ATE1: variants seen among roughly 807,000 people sequenced by gnomAD.
ATE1 encodes the protein arginyl-tRNA--protein transferase 1.
In ATE1, 36 loss-of-function variants were observed where a neutral mutation model predicts 70.5. The ratio of observed to expected loss-of-function variants is 0.51; its 90% CI spans 0.39 to 0.67. The LOEUF (loss-of-function observed/expected upper bound fraction) is 0.67. Ranked by LOEUF, ATE1 falls within the 30% of genes least tolerant of loss-of-function variation. The probability of loss-of-function intolerance (pLI) is 0.00; values close to 1 mark genes in which losing one functional copy is unlikely to be tolerated. For missense variants in ATE1, 593 were observed against 629.5 expected (o/e 0.94, Z 0.62); for synonymous variants, 232 against 219.3 (o/e 1.06, Z -0.51).
At chr10:121,817,386 A>T (rs1170784477) in intron 10 of ATE1, among the ~76,000 whole-genome samples, 2 of 152,174 alleles carry the variant, frequency 1.3e-5, no homozygotes, top group African/African-American at 4.8e-5. Flanking sequence ...GACACACAAA[A>T]AAATTAGCCG....
chr10:121,840,312 C>T (rs188306007), intron 9 of ATE1, among the ~76,000 whole-genome samples: 17 of 152,138 alleles, frequency 1.1e-4, no homozygotes, highest in African/African-American at 2.6e-4. Flanking sequence ...TCATTTACAC[C>T]GCATTAACTT....
chr10:121,807,241 AACT>A (rs956681814), intron 10 of ATE1, among the ~76,000 whole-genome samples: 2 of 152,232 alleles, frequency 1.3e-5, no homozygotes, highest in African/African-American at 4.8e-5. Flanking sequence ...CTGACTGAAA[AACT>A]ACACTATATA....
intron 11 of ATE1, among the ~76,000 whole-genome samples, chr10:121,780,166 AG>A (rs1945922122): frequency 6.6e-6 from 1 of 152,164 alleles, no homozygotes; most frequent in South Asian, 2.1e-4. Context: ...CATCTCTACC[AG>A]ATGTCTCACA....
chr10:121,911,488 A>C (rs1245154587), intron 4 of ATE1, among the ~76,000 whole-genome samples: 1 of 152,046 alleles, frequency 6.6e-6, no homozygotes, highest in African/African-American at 2.4e-5. Flanking sequence ...TAGCAGGGCA[A>C]TGTACTGCCA....
chr10:121,761,691 C>CCTA (rs1190945427), intron 11 of ATE1, among the ~76,000 whole-genome samples: 1 of 152,142 alleles, frequency 6.6e-6, no homozygotes, highest in Non-Finnish European at 1.5e-5. Flanking sequence ...TTCCGACCTC[C>CCTA]CTAGCCCTGC....
rs752896136 is a variant in ATE1 at position 121,902,360 on chromosome 10, T to C, written c.813+31A>G. 5.7e-6 allele frequency: 9 copies of C among 1,566,336 alleles called. No individual in the cohort carries two copies. In the East Asian group the frequency reaches 2.0e-4, roughly 35 times the overall value. Reference sequence around the variant, plus strand: ...ATGCCCAAACAAAAAAAAATCATAATAAAACAAACAACAAAAGTCCTCCAA... The same window carrying C: ...ATGCCCAAACAAAAAAAAATCATAACAAAACAAACAACAAAAGTCCTCCAA... On this transcript the variant is annotated intron_variant, in intron 6 of 11. Transcript: ENST00000224652.
At chr10:121,895,246 A>T (rs1259506159) in intron 7 of ATE1, among the ~76,000 whole-genome samples, 1 of 152,206 alleles carries the variant, frequency 6.6e-6, no homozygotes, top group Non-Finnish European at 1.5e-5. Context: ...CACCCAAGAA[A>T]ATACACATCC....
chr10:121,800,632 C>T (rs1946840878), intron 10 of ATE1, among the ~76,000 whole-genome samples: 1 of 152,110 alleles, frequency 6.6e-6, no homozygotes, highest in Non-Finnish European at 1.5e-5. Flanking sequence ...AATACACACA[C>T]ACACAGCCAC....
intron 8 of ATE1, among the ~76,000 whole-genome samples, chr10:121,860,255 A>G (rs1368731541): frequency 3.9e-5 from 6 of 152,224 alleles, no homozygotes; most frequent in Non-Finnish European, 5.9e-5. Context: ...GCTCAAGGCC[A>G]CAAAGCCAAT....
intron 11 of ATE1, among the ~76,000 whole-genome samples, chr10:121,767,964 A>G (rs1038741025): frequency 2.6e-4 from 39 of 152,358 alleles, no homozygotes; most frequent in African/African-American, 8.7e-4. Flanking sequence ...CAAAAGGTGA[A>G]GCAACCCAAT....
intron 8 of ATE1, among the ~76,000 whole-genome samples, chr10:121,857,878 C>T (rs1050935510): frequency 6.6e-6 from 1 of 152,222 alleles, no homozygotes; most frequent in African/African-American, 2.4e-5. Context: ...TGGCAACCAT[C>T]ACTTCACTTT....
intron 11 of ATE1, among the ~76,000 whole-genome samples, chr10:121,774,980 C>T (rs922960001): frequency 2.6e-5 from 4 of 152,172 alleles, no homozygotes; most frequent in African/African-American, 9.7e-5. Flanking sequence ...CCTGTAAGGT[C>T]ACACCTTTCT....
At chr10:121,873,691 TAA>T (rs761239187) in intron 7 of ATE1, among the ~76,000 whole-genome samples, 64 of 138,920 alleles carry the variant, frequency 4.6e-4, no homozygotes, top group Non-Finnish European at 5.2e-4. Flanking sequence ...TTTGGTAAGT[TAA>T]AAAAAAAAAA....
chr10:121,899,558 T>A (rs1249097102), intron 7 of ATE1, among the ~76,000 whole-genome samples: 3 of 152,148 alleles, frequency 2.0e-5, no homozygotes, highest in Admixed American at 2.0e-4. Flanking sequence ...GTTTCCTGAG[T>A]TTTCCTCACA....
At chr10:121,920,557 T>C (rs1468341805) in intron 3 of ATE1, among the ~76,000 whole-genome samples, 13 of 151,014 alleles carry the variant, frequency 8.6e-5, no homozygotes, top group East Asian at 1.9e-4. Context: ...AAGATGATGA[T>C]GACCTTATAA....
intron 8 of ATE1, among the ~76,000 whole-genome samples, chr10:121,868,860 T>A (rs1032505026): frequency 6.6e-6 from 1 of 152,210 alleles, no homozygotes; most frequent in Admixed American, 6.5e-5. Context: ...ACGTTTTCAA[T>A]GCGCCAGTGT....
intron 11 of ATE1, among the ~76,000 whole-genome samples, chr10:121,744,168 C>T (rs986792193): frequency 4.0e-5 from 6 of 151,704 alleles, no homozygotes; most frequent in East Asian, 1.9e-4. Flanking sequence ...GTAATCCTCC[C>T]GCCTCAGCCT....
intron 8 of ATE1, among the ~76,000 whole-genome samples, chr10:121,845,361 C>T (rs1354416910): frequency 6.6e-6 from 1 of 152,124 alleles, no homozygotes. Flanking sequence ...TAAAAACCCA[C>T]AGAACATTAC....
intron 8 of ATE1, among the ~76,000 whole-genome samples, chr10:121,860,384 G>A (rs1025667799): frequency 1.3e-5 from 2 of 152,306 alleles, no homozygotes; most frequent in South Asian, 2.1e-4. Flanking sequence ...CTGTATCAAC[G>A]TGCTCTAGTC....
Sources: allele counts gnomAD v4.1 joint callset (sites outside exome capture counted in the v4.1 genomes callset), GRCh38; gene constraint gnomAD v4.1.1; transcripts MANE v1.5; gene names NCBI Gene and HGNC (gene_info 2026-07-23, HGNC 2026-07-21).